SND1: variants seen among roughly 807,000 people sequenced by gnomAD.
SND1 encodes the protein staphylococcal nuclease and tudor domain containing 1.
A neutral mutation model predicts 121.7 loss-of-function variants in SND1; 38 were observed. The observed-to-expected ratio is 0.31, with a 90% CI of 0.24 to 0.41. SND1 has a LOEUF of 0.41. SND1 is among the 10% of genes least tolerant of loss of function. The pLI is 1.00. For synonymous variants in SND1, 401 were observed against 447.4 expected (o/e 0.90, Z 1.31); for missense variants, 868 against 1,184.6 (o/e 0.73, Z 3.92).
At chr7:127,946,620 A>G (rs1419894420) in intron 15 of SND1, among the ~76,000 whole-genome samples, 1 of 152,182 alleles carries the variant, frequency 6.6e-6, no homozygotes, top group Non-Finnish European at 1.5e-5. Flanking sequence ...AAATGTTAAC[A>G]GTGTCTGCTA....
At chr7:127,927,774 C>G (rs147269892) in intron 14 of SND1, among the ~76,000 whole-genome samples, 1 of 152,284 alleles carries the variant, frequency 6.6e-6, no homozygotes, top group East Asian at 1.9e-4. Context: ...TCTGAAAACT[C>G]TTGAAATACT....
intron 10 of SND1, among the ~76,000 whole-genome samples, chr7:127,793,191 A>C (rs539442842): frequency 6.6e-6 from 1 of 152,320 alleles, no homozygotes; most frequent in African/African-American, 2.4e-5. Context: ...GTGAAAAGCC[A>C]GTGGGTAATC....
At chr7:128,081,529 T>C in intron 18 of SND1, 28 bp downstream of exon 18, 4 of 1,612,080 alleles carry the variant, frequency 2.5e-6, no homozygotes, top group Non-Finnish European at 3.4e-6. Flanking sequence ...TGGCTCGTGG[T>C]TCCTGGCTTG....
At chr7:127,703,576 G>A (rs1217871685) in intron 7 of SND1, among the ~76,000 whole-genome samples, 1 of 152,144 alleles carries the variant, frequency 6.6e-6, no homozygotes, top group African/African-American at 2.4e-5. Context: ...GCCTGTCGTG[G>A]TGGCGTGCAC....
At chr7:127,693,778 C>T (rs768433906) in intron 2 of SND1, among the ~76,000 whole-genome samples, 3 of 152,072 alleles carry the variant, frequency 2.0e-5, no homozygotes, top group Non-Finnish European at 2.9e-5. Flanking sequence ...ATCATACGCT[C>T]CTTGAACACC....
intron 11 of SND1, among the ~76,000 whole-genome samples, chr7:127,808,284 TC>T (rs1798275454): frequency 6.6e-6 from 1 of 151,036 alleles, no homozygotes; most frequent in South Asian, 2.1e-4. Context: ...CACCTCAGCC[TC>T]CAGAATAGCT....
chr7:127,782,499 G>A (rs541390106), intron 10 of SND1, among the ~76,000 whole-genome samples: 1 of 152,248 alleles, frequency 6.6e-6, no homozygotes, highest in East Asian at 1.9e-4. Flanking sequence ...GCCTCATTCT[G>A]TCATAGGTTA....
chr7:128,024,443 G>C (rs942245441), intron 16 of SND1, among the ~76,000 whole-genome samples: 27 of 152,184 alleles, frequency 1.8e-4, no homozygotes, highest in Non-Finnish European at 2.9e-5. Context: ...TGAAATGATG[G>C]AGCCTTAATT....
At chr7:127,921,881 A>G (rs953365727) in intron 14 of SND1, among the ~76,000 whole-genome samples, 2 of 152,126 alleles carry the variant, frequency 1.3e-5, no homozygotes, top group African/African-American at 2.4e-5. Context: ...GTAGTATTCC[A>G]TTGTGTGGTG....
intron 10 of SND1, among the ~76,000 whole-genome samples, chr7:127,752,479 C>T (rs56279409): frequency 0.012 from 1,799 of 152,314 alleles, 27 homozygotes; most frequent in South Asian, 0.047. Flanking sequence ...CCCATCTGGA[C>T]TGCTGGGTTG....
At chr7:127,814,089 C>T (rs1765153587) in intron 11 of SND1, among the ~76,000 whole-genome samples, 2 of 151,998 alleles carry the variant, frequency 1.3e-5, no homozygotes, top group African/African-American at 4.8e-5. Flanking sequence ...ACTTGGACTC[C>T]CAAGTTGCTC....
intron 14 of SND1, among the ~76,000 whole-genome samples, chr7:127,911,245 G>A (rs973232806): frequency 2.0e-5 from 3 of 152,214 alleles, no homozygotes; most frequent in African/African-American, 7.2e-5. Context: ...ACAGAAACAT[G>A]CCATCACCTC....
chr7:127,887,788 C>T, intron 12 of SND1, 114 bp from the exon 13 acceptor site: 1 of 629,748 alleles, frequency 1.6e-6, no homozygotes, highest in Non-Finnish European at 2.8e-6. Context: ...ACCTTGGCTT[C>T]TCTCTCCCTC....
chr7:127,990,560 G>T (rs755171318), intron 15 of SND1, among the ~76,000 whole-genome samples: 1 of 152,224 alleles, frequency 6.6e-6, no homozygotes, highest in Non-Finnish European at 1.5e-5. Flanking sequence ...GAATGGCTGG[G>T]ATATCAGTAG....
At chr7:127,894,346 A>G (rs1033469016) in intron 13 of SND1, among the ~76,000 whole-genome samples, 4 of 151,910 alleles carry the variant, frequency 2.6e-5, no homozygotes, top group Non-Finnish European at 5.9e-5. Context: ...AAGTTTTTCC[A>G]TAAAATTTCA....
At chr7:128,017,782 G>GT (rs1474281550) in intron 16 of SND1, among the ~76,000 whole-genome samples, 1 of 152,254 alleles carries the variant, frequency 6.6e-6, no homozygotes, top group African/African-American at 2.4e-5. Flanking sequence ...ACCTTGGCAG[G>GT]TAACAGGTTC....
At chr7:127,877,350 A>G (rs1799711083) in intron 12 of SND1, among the ~76,000 whole-genome samples, 3 of 152,096 alleles carry the variant, frequency 2.0e-5, no homozygotes, top group African/African-American at 7.2e-5. Context: ...TGCCAGCTTT[A>G]TAAAGTGGGT....
At chr7:128,086,480 G>T in intron 20 of SND1, 3 of 252,100 alleles carry the variant, frequency 1.2e-5, no homozygotes, top group South Asian at 4.4e-5. Context: ...GGTCCTGCCA[G>T]ACAAGGGTGA....
At chr7:127,838,034 G>A (rs1325016583) in intron 11 of SND1, among the ~76,000 whole-genome samples, 1 of 152,178 alleles carries the variant, frequency 6.6e-6, no homozygotes, top group Non-Finnish European at 1.5e-5. Context: ...CACAGTCTAA[G>A]CTAATTCCAA....
Sources: allele counts gnomAD v4.1 joint callset (sites outside exome capture counted in the v4.1 genomes callset), GRCh38; gene constraint gnomAD v4.1.1; transcripts MANE v1.5; gene names NCBI Gene and HGNC (gene_info 2026-07-23, HGNC 2026-07-21).